Variants in SLC27A2 observed in about 807,000 individuals in gnomAD.
SLC27A2 encodes the protein solute carrier family 27 member 2, also known as long-chain fatty acid transport protein 2.
A neutral mutation model predicts 60.0 loss-of-function variants in SLC27A2; 54 were observed. That is an observed-to-expected ratio of 0.90 (90% CI 0.72 to 1.13). SLC27A2 has a LOEUF of 1.13. Ranked by LOEUF, SLC27A2 falls within the 50% of genes most tolerant of loss-of-function variation. The probability of loss-of-function intolerance (pLI) is 0.00; values close to 1 mark genes in which losing one functional copy is unlikely to be tolerated. For synonymous variants in SLC27A2, 297 were observed against 297.6 expected (o/e 1.00, Z 0.02); for missense variants, 739 against 777.6 (o/e 0.95, Z 0.59).
At chr15:50,205,509 A>T in intron 4 of SLC27A2, 146 bp downstream of exon 4, 1 of 673,064 alleles carries the variant, frequency 1.5e-6, no homozygotes, top group Non-Finnish European at 2.3e-6. Flanking sequence ...TTGGCACTAT[A>T]CCTACCATAT....
intron 9 of SLC27A2, among the ~76,000 whole-genome samples, chr15:50,234,965 A>G (rs762701739): frequency 1.3e-5 from 2 of 152,054 alleles, no homozygotes; most frequent in Non-Finnish European, 2.9e-5. Context: ...CAGAAGTTCT[A>G]CACCTTTCTG....
intron 1 of SLC27A2, among the ~76,000 whole-genome samples, chr15:50,191,320 G>T (rs1341092456): frequency 2.6e-5 from 4 of 152,230 alleles, no homozygotes; most frequent in Non-Finnish European, 4.4e-5. Context: ...CTCTTCAGCT[G>T]CTGGGAGCTC....
intron 1 of SLC27A2, among the ~76,000 whole-genome samples, chr15:50,195,311 G>GAAAAAAAA (rs745744454): frequency 9.0e-6 from 1 of 110,998 alleles, no homozygotes; most frequent in African/African-American, 3.2e-5. Flanking sequence ...CTAAAAATAT[G>GAAAAAAAA]AAAAAAAAAA....
At chr15:50,218,902 A>T (rs548347567) in intron 4 of SLC27A2, among the ~76,000 whole-genome samples, 90 of 152,338 alleles carry the variant, frequency 5.9e-4, no homozygotes, top group Admixed American at 1.6e-3. Flanking sequence ...AAAACAGGAA[A>T]TTCCATGAGC....
At chr15:50,189,158 A>C (rs1453729912) in intron 1 of SLC27A2, among the ~76,000 whole-genome samples, 1 of 152,206 alleles carries the variant, frequency 6.6e-6, no homozygotes, top group Non-Finnish European at 1.5e-5. Flanking sequence ...TGGGTTGGGC[A>C]TGAGGGCCTG....
At chr15:50,184,073 C>A (rs1013156321) in intron 1 of SLC27A2, among the ~76,000 whole-genome samples, 1 of 133,920 alleles carries the variant, frequency 7.5e-6, no homozygotes, top group African/African-American at 2.7e-5. Context: ...TCACTGTAAC[C>A]TCTGCCTCCC....
chr15:50,215,577 A>C (rs992443771), intron 4 of SLC27A2, among the ~76,000 whole-genome samples: 3 of 152,228 alleles, frequency 2.0e-5, no homozygotes, highest in Admixed American at 1.3e-4. Flanking sequence ...CTATAAGGCC[A>C]TAGTCACCAA....
chr15:50,232,161 A>G (rs753525182), intron 8 of SLC27A2, among the ~76,000 whole-genome samples: 1 of 152,204 alleles, frequency 6.6e-6, no homozygotes, highest in African/African-American at 2.4e-5. Flanking sequence ...ACTATGGGTG[A>G]TTCTGCACAA....
Position 50,227,022 on chromosome 15 carries a change from C to G in SLC27A2, c.1301C>G (p.Pro434Arg). 6.2e-7 allele frequency: 1 copy of G among 1,614,128 alleles called. No homozygotes were observed. Among genetic ancestry groups the G allele is most frequent in the Non-Finnish European group, 8.5e-7 (1 of 1,180,016 alleles). Residue 434 changes from proline (P) to arginine (R), a missense_variant, in exon 7 of 10, where the codon CCA becomes CGA. By Grantham distance (103) the Pro-to-Arg change is moderately radical. Transcript: ENST00000267842. Reference sequence around the variant, plus strand: ...GTTTGCAAAATCACACAACTTACACCATTTAATGGCTATGCTGGAGCAAAG... The same window carrying G: ...GTTTGCAAAATCACACAACTTACACGATTTAATGGCTATGCTGGAGCAAAG... ...LLVCKITQLT[P>R]FNGYAGAKAQ...
chr15:50,194,635 A>G (rs895363269), intron 1 of SLC27A2, among the ~76,000 whole-genome samples: 1 of 152,194 alleles, frequency 6.6e-6, no homozygotes, highest in African/African-American at 2.4e-5. Flanking sequence ...AGGGCAGGAC[A>G]TTGGTCAGGA....
rs370445301 is a variant in SLC27A2 at position 50,207,171 on chromosome 15, G to A, written c.972+1808G>A. Among the ~76,000 whole-genome samples the A allele has an allele frequency of 3.1e-4, 47 of 152,136 alleles. 1 individual carries two copies. In the South Asian group the frequency reaches 9.4e-3, roughly 30 times the overall value. ...TTCTAATGGGAGCTTCCTTTGGACT[G>A]GACGAAAATAAATATGTTTGTGTGT... On this transcript the variant is annotated intron_variant, in intron 4 of 9. Coordinates refer to ENST00000267842, the MANE Select transcript of SLC27A2 (RefSeq NM_003645.4).
intron 1 of SLC27A2, among the ~76,000 whole-genome samples, chr15:50,196,103 T>A (rs867077197): frequency 0.012 from 743 of 59,692 alleles, 150 homozygotes; most frequent in Non-Finnish European, 0.018. Context: ...TATATATATA[T>A]ATATATATAT....
intron 1 of SLC27A2, among the ~76,000 whole-genome samples, chr15:50,185,892 G>C (rs2044917737): frequency 6.6e-6 from 1 of 151,808 alleles, no homozygotes; most frequent in African/African-American, 2.4e-5. Context: ...GCCTCCCAAA[G>C]TGCTGGGATT....
intron 1 of SLC27A2, among the ~76,000 whole-genome samples, chr15:50,184,816 GA>G (rs1180204941): frequency 6.6e-6 from 1 of 152,126 alleles, no homozygotes; most frequent in African/African-American, 2.4e-5. Flanking sequence ...CAGCCTGGGG[GA>G]CAGAGTGAGA....
chr15:50,202,409 T>C, intron 2 of SLC27A2, 78 bp from the exon 3 acceptor site: 2 of 1,463,560 alleles, frequency 1.4e-6, no homozygotes, highest in Non-Finnish European at 1.9e-6. Flanking sequence ...TGATGAATCT[T>C]CCTAAGCCAG....
chr15:50,222,630 A>C (rs969907621), intron 4 of SLC27A2, among the ~76,000 whole-genome samples: 6 of 152,152 alleles, frequency 3.9e-5, no homozygotes, highest in African/African-American at 1.4e-4. Context: ...TTCTAACTTT[A>C]GATTGGATAT....
intron 1 of SLC27A2, among the ~76,000 whole-genome samples, chr15:50,190,668 T>A (rs1347661645): frequency 1.3e-5 from 2 of 151,246 alleles, no homozygotes; most frequent in African/African-American, 4.8e-5. Context: ...CTTAATTTTT[T>A]AAAATTTTCT....
At chr15:50,228,237 C>T (rs2045290595) in intron 7 of SLC27A2, among the ~76,000 whole-genome samples, 1 of 151,948 alleles carries the variant, frequency 6.6e-6, no homozygotes, top group Admixed American at 6.6e-5. Flanking sequence ...AATTGCTGGA[C>T]ATAGTGGCAC....
intron 4 of SLC27A2, among the ~76,000 whole-genome samples, chr15:50,208,407 A>T (rs899335817): frequency 1.3e-5 from 2 of 152,192 alleles, no homozygotes; most frequent in African/African-American, 4.8e-5. Flanking sequence ...GGAGCAGGAT[A>T]GTTAACCTCT....
Sources: allele counts gnomAD v4.1 joint callset (sites outside exome capture counted in the v4.1 genomes callset), GRCh38; gene constraint gnomAD v4.1.1; transcripts MANE v1.5; gene names NCBI Gene and HGNC (gene_info 2026-07-23, HGNC 2026-07-21).